The following DNAH9 variants were observed in gnomAD, a reference collection of about 807,000 sequenced individuals.
DNAH9 encodes DNAH9 variant protein.
In DNAH9, 345 loss-of-function variants were observed where a neutral mutation model predicts 471.6. The observed-to-expected ratio is 0.73, with a 90% CI of 0.67 to 0.80. The LOEUF (loss-of-function observed/expected upper bound fraction) is 0.80, where lower values mean the gene tolerates loss of function less well. DNAH9 is among the 30% of genes least tolerant of loss of function. The pLI is 0.00. For missense variants in DNAH9, 5,407 were observed against 5,609.2 expected, an observed-to-expected ratio of 0.96 and a Z score of 1.15; for synonymous variants, 2,093 against 2,123.6, an observed-to-expected ratio of 0.99 and a Z score of 0.40.
At chr17:11,656,386 C>A (rs769252771) in intron 14 of DNAH9, among the ~76,000 whole-genome samples, 4 of 152,102 alleles carry the variant, frequency 2.6e-5, no homozygotes, top group Non-Finnish European at 5.9e-5. Context: ...CTATTCGCAT[C>A]TTTAGCCCAC....
chr17:11,953,912 T>C (rs1377901778), intron 67 of DNAH9: 1 of 152,096 alleles, frequency 6.6e-6, no homozygotes, highest in Admixed American at 6.6e-5. Flanking sequence ...ATGTAAGATA[T>C]TTATTAAAAG....
intron 36 of DNAH9, 55 bp from the exon 37 acceptor site, chr17:11,768,398 G>A: frequency 1.9e-6 from 3 of 1,573,256 alleles, no homozygotes; most frequent in East Asian, 2.3e-5. Context: ...GGCCTCCTGT[G>A]TGGGCTTCTT....
intron 14 of DNAH9, among the ~76,000 whole-genome samples, chr17:11,654,675 C>A (rs1394372579): frequency 6.6e-6 from 1 of 151,864 alleles, no homozygotes; most frequent in African/African-American, 2.4e-5. Flanking sequence ...TACTATAACA[C>A]AATAATAGTA....
At chr17:11,734,019 A>G (rs904879079) in intron 28 of DNAH9, among the ~76,000 whole-genome samples, 2 of 152,166 alleles carry the variant, frequency 1.3e-5, no homozygotes, top group Non-Finnish European at 2.9e-5. Context: ...TGAAACTGGG[A>G]TGGGGCAGCG....
chr17:11,843,863 G>GTGTGTGTGTGTGTGTATATATATATA (rs1253794533), intron 49 of DNAH9, among the ~76,000 whole-genome samples: 12 of 46,464 alleles, frequency 2.6e-4, no homozygotes, highest in South Asian at 1.4e-3. Flanking sequence ...GTGTGTGTGT[G>GTGTGTGTGTGTGTGTATATATATATA]TATATATATA....
chr17:11,906,191 A>G (rs1017357033), intron 61 of DNAH9, among the ~76,000 whole-genome samples: 1 of 152,178 alleles, frequency 6.6e-6, no homozygotes, highest in Non-Finnish European at 1.5e-5. Flanking sequence ...CTATCCCATT[A>G]CTGATTATAT....
Position 11,934,085 on chromosome 17 carries a change from C to G in DNAH9, c.12489+14C>G, listed in dbSNP as rs1353496405. ...GGTTATCATCAGGTGAGACTCTGCT[C>G]TGTGCTTCTGATGTCGTGAGGGTGC... On this transcript the variant is annotated intron_variant, in intron 65 of 68. Coordinates refer to ENST00000262442, the MANE Select transcript of DNAH9 (RefSeq NM_001372.4). 6.8e-6 allele frequency: 11 copies of G among 1,607,528 alleles called. No homozygotes were observed. Among genetic ancestry groups the G allele is most frequent in the Non-Finnish European group, 4.3e-6 (5 of 1,175,974 alleles).
intron 17 of DNAH9, among the ~76,000 whole-genome samples, chr17:11,670,252 G>A (rs1294329062): frequency 6.6e-6 from 1 of 152,148 alleles, no homozygotes; most frequent in Non-Finnish European, 1.5e-5. Flanking sequence ...TTCTCACTGT[G>A]CAACAGGCTG....
At chr17:11,801,189 C>T (rs1969444174) in intron 43 of DNAH9, among the ~76,000 whole-genome samples, 1 of 152,210 alleles carries the variant, frequency 6.6e-6, no homozygotes, top group Admixed American at 6.5e-5. Context: ...TCACACTCCT[C>T]ATAAATAGGT....
At chr17:11,866,226 C>A (rs955097607) in intron 50 of DNAH9, among the ~76,000 whole-genome samples, 1 of 151,928 alleles carries the variant, frequency 6.6e-6, no homozygotes, top group African/African-American at 2.4e-5. Context: ...TGTTAGTTTT[C>A]CTTCTAACAG....
chr17:11,917,034 G>C (rs1446032093), intron 61 of DNAH9, among the ~76,000 whole-genome samples: 2 of 152,216 alleles, frequency 1.3e-5, no homozygotes, highest in African/African-American at 4.8e-5. Context: ...AATTGTGAAG[G>C]AGGAGGAGGG....
intron 50 of DNAH9, among the ~76,000 whole-genome samples, chr17:11,867,566 G>GTAACTGTGAAAGTTTTAACTTTC (rs1972105326): frequency 2.6e-5 from 4 of 152,014 alleles, no homozygotes; most frequent in Admixed American, 2.6e-4. Flanking sequence ...TTTTAACTTT[G>GTAACTGTGAAAGTTTTAACTTTC]TTGTTGCAGT....
intron 66 of DNAH9, among the ~76,000 whole-genome samples, chr17:11,942,055 A>G (rs1179219481): frequency 6.6e-6 from 1 of 152,102 alleles, no homozygotes; most frequent in African/African-American, 2.4e-5. Context: ...ATCTGTGTTC[A>G]TCTTATTATG....
At chr17:11,899,130 G>A (rs1973316686) in intron 59 of DNAH9, among the ~76,000 whole-genome samples, 1 of 151,618 alleles carries the variant, frequency 6.6e-6, no homozygotes, top group Non-Finnish European at 1.5e-5. Flanking sequence ...GTGTTTGGTT[G>A]GATTTTAGCC....
At chr17:11,776,966 A>G (rs1158381872) in intron 38 of DNAH9, among the ~76,000 whole-genome samples, 4 of 152,216 alleles carry the variant, frequency 2.6e-5, no homozygotes. Context: ...AAATTACAAC[A>G]TAATGGTCCG....
intron 42 of DNAH9, 91 bp downstream of exon 42, chr17:11,793,755 A>G: frequency 1.7e-6 from 2 of 1,146,346 alleles, no homozygotes; most frequent in Non-Finnish European, 2.5e-6. Context: ...TAGCTGTTTA[A>G]TGGAGAAAGG....
chr17:11,849,697 G>A (rs967694518), intron 49 of DNAH9, among the ~76,000 whole-genome samples: 2 of 152,076 alleles, frequency 1.3e-5, no homozygotes, highest in Non-Finnish European at 2.9e-5. Context: ...TAACTAATGT[G>A]GCATCATCAC....
At chr17:11,748,724 C>T (rs922604748) in intron 32 of DNAH9, among the ~76,000 whole-genome samples, 1 of 152,022 alleles carries the variant, frequency 6.6e-6, no homozygotes, top group Non-Finnish European at 1.5e-5. Flanking sequence ...TGTAAAGGGT[C>T]GTTTGGCACT....
At chr17:11,730,759 G>GTGA (rs59099864) in intron 28 of DNAH9, among the ~76,000 whole-genome samples, 128,569 of 151,060 alleles carry the variant, frequency 0.85, 55,636 homozygotes, top group Non-Finnish European at 0.92. Flanking sequence ...GGTGATGTTA[G>GTGA]TGATGATGAT....
Sources: gnomAD v4.1 joint callset for allele counts (sites outside exome capture counted in the v4.1 genomes callset) on GRCh38, gnomAD v4.1.1 for gene constraint, MANE v1.5 for transcripts, NCBI Gene and HGNC (gene_info 2026-07-23, HGNC 2026-07-21) for gene names.